Variants in GUCY1A1 observed in about 807,000 individuals in gnomAD.
The protein encoded by GUCY1A1 is guanylate cyclase 1 soluble subunit alpha 1.
A neutral mutation model predicts 64.5 loss-of-function variants in GUCY1A1; 48 were observed. The observed-to-expected ratio is 0.74, with a 90% CI of 0.59 to 0.95. The LOEUF (loss-of-function observed/expected upper bound fraction) is 0.95. GUCY1A1 is among the 40% of genes least tolerant of loss of function. The pLI, the probability that GUCY1A1 is intolerant of heterozygous loss-of-function variation, is 0.00. For synonymous variants in GUCY1A1, 308 were observed against 303.4 expected, an observed-to-expected ratio of 1.02 and a Z score of -0.16; for missense variants, 804 against 825.3, an observed-to-expected ratio of 0.97 and a Z score of 0.32.
At chr4:155,688,200 C>A (rs892768576) in intron 2 of GUCY1A1, among the ~76,000 whole-genome samples, 1 of 151,824 alleles carries the variant, frequency 6.6e-6, no homozygotes, top group Non-Finnish European at 1.5e-5. Context: ...TGCACTCCAG[C>A]CTGGGCGACA....
intron 2 of GUCY1A1, among the ~76,000 whole-genome samples, chr4:155,685,664 C>T (rs1728909170): frequency 7.3e-6 from 1 of 136,940 alleles, no homozygotes; most frequent in Non-Finnish European, 1.5e-5. Context: ...GCCTATACTT[C>T]TCCATTAATG....
chr4:155,697,921 T>C (rs1730619171), intron 3 of GUCY1A1, among the ~76,000 whole-genome samples: 1 of 152,206 alleles, frequency 6.6e-6, no homozygotes, highest in Non-Finnish European at 1.5e-5. Flanking sequence ...TTCATAGTTT[T>C]ATATAGATTT....
At position 155,710,867 on chromosome 4, in the gene GUCY1A1, G is replaced by A. The variant is rs545740746; in HGVS notation, c.702G>A (p.Ser234=). 83 of 1,613,962 alleles carry A rather than the reference G, an allele frequency of 5.1e-5. No individual in the cohort carries two copies. The highest frequency in any genetic ancestry group is 8.8e-5 in the South Asian group (8 of 91,082). The change falls in exon 6 of 10, where the codon TCG becomes TCA. Residue 234 remains serine, a synonymous_variant. Coordinates refer to ENST00000506455, the MANE Select transcript of GUCY1A1 (RefSeq NM_001130682.3). ...TATATGAAACGGAAGTGGAAGTGTCGTTAATGCCTCCCTGCTTCCATAATG... is the reference window on the plus strand; with the variant it reads ...TATATGAAACGGAAGTGGAAGTGTCATTAATGCCTCCCTGCTTCCATAATG... ...HVLYETEVEV[S]LMPPCFHNDC... is the part of the protein sequence containing the mutation.
At chr4:155,707,370 C>T (rs969790588) in intron 4 of GUCY1A1, among the ~76,000 whole-genome samples, 3 of 152,302 alleles carry the variant, frequency 2.0e-5, no homozygotes, top group African/African-American at 7.2e-5. Context: ...ATGTCCTCAG[C>T]AACTTAAAGT....
At chr4:155,725,962 A>G (rs1017448165) in intron 9 of GUCY1A1, among the ~76,000 whole-genome samples, 2 of 152,190 alleles carry the variant, frequency 1.3e-5, no homozygotes, top group African/African-American at 4.8e-5. Flanking sequence ...AAAGTAAGTA[A>G]TAGGAATAAG....
chr4:155,674,923 TTA>T (rs1186337528), intron 2 of GUCY1A1, among the ~76,000 whole-genome samples: 1 of 151,592 alleles, frequency 6.6e-6, no homozygotes, highest in Non-Finnish European at 1.5e-5. Context: ...ACTATGCTTT[TTA>T]TATGACTGGC....
At chr4:155,722,626 C>G (rs1734118196) in intron 9 of GUCY1A1, 1 of 168,300 alleles carries the variant, frequency 5.9e-6, no homozygotes, top group Non-Finnish European at 1.2e-5. Flanking sequence ...CCTTCAGGAC[C>G]TAAGTATGCA....
At chr4:155,723,425 T>C (rs936301075) in intron 9 of GUCY1A1, among the ~76,000 whole-genome samples, 1 of 152,142 alleles carries the variant, frequency 6.6e-6, no homozygotes, top group African/African-American at 2.4e-5. Context: ...TGTTATCACT[T>C]ATCCACCTTT....
intron 2 of GUCY1A1, among the ~76,000 whole-genome samples, chr4:155,680,404 A>C (rs1279692984): frequency 6.6e-6 from 1 of 152,068 alleles, no homozygotes; most frequent in African/African-American, 2.4e-5. Flanking sequence ...TTTACTTCTT[A>C]GTTCTAGTTA....
At position 155,681,295 on chromosome 4, in the gene GUCY1A1, A is replaced by C. The variant is rs1735723397; in HGVS notation, c.-113+13876A>C. On this transcript the variant is annotated intron_variant, in intron 2 of 9. Coordinates refer to ENST00000506455, the MANE Select transcript of GUCY1A1 (RefSeq NM_001130682.3). Reference sequence around the variant, plus strand: ...CAGAAGTCAAAGACCCTGTACTTTGAGCTAACTTTTGTGCTCTGTATAGTA... The same window carrying C: ...CAGAAGTCAAAGACCCTGTACTTTGCGCTAACTTTTGTGCTCTGTATAGTA... 2.0e-5 allele frequency among the ~76,000 whole-genome samples: 3 copies of C among 152,162 alleles called. No homozygotes were observed. The East Asian group carries it at 5.8e-4, about 29-fold the overall frequency.
intron 9 of GUCY1A1, among the ~76,000 whole-genome samples, chr4:155,724,917 C>A (rs914600609): frequency 6.6e-6 from 1 of 151,968 alleles, no homozygotes; most frequent in Non-Finnish European, 1.5e-5. Flanking sequence ...TGATGAAATC[C>A]ACTTCCCACC....
chr4:155,720,708 A>T (rs1733861464), intron 8 of GUCY1A1, among the ~76,000 whole-genome samples: 1 of 152,196 alleles, frequency 6.6e-6, no homozygotes, highest in Non-Finnish European at 1.5e-5. Flanking sequence ...GAAATTAGTT[A>T]TTAAAACTAG....
At chr4:155,683,863 TC>T (rs2126633434) in intron 2 of GUCY1A1, among the ~76,000 whole-genome samples, 1 of 152,298 alleles carries the variant, frequency 6.6e-6, no homozygotes, top group East Asian at 1.9e-4. Flanking sequence ...CTCAAAGTAT[TC>T]CCTGCAGTGG....
At chr4:155,727,560 C>CT (rs1308520473) in intron 9 of GUCY1A1, among the ~76,000 whole-genome samples, 2 of 151,586 alleles carry the variant, frequency 1.3e-5, no homozygotes, top group Non-Finnish European at 2.9e-5. Flanking sequence ...TGTTGAGTTG[C>CT]TGTAGATAGA....
At chr4:155,681,290 C>CTTTG in intron 2 of GUCY1A1, among the ~76,000 whole-genome samples, 1 of 152,262 alleles carries the variant, frequency 6.6e-6, no homozygotes, top group Middle Eastern at 3.4e-3. Context: ...AGACCCTGTA[C>CTTTG]TTTGAGCTAA....
chr4:155,728,544 A>G (rs536402952), intron 9 of GUCY1A1, among the ~76,000 whole-genome samples: 3 of 152,006 alleles, frequency 2.0e-5, no homozygotes, highest in South Asian at 4.1e-4. Context: ...GTCTTTAGAT[A>G]ATATAACTAA....
In GUCY1A1 at chr4:155,726,610, T is replaced by G. The variant is rs3796580; in HGVS notation, c.1872-3420T>G. 6.1e-4 allele frequency among the ~76,000 whole-genome samples: 92 copies of G among 152,022 alleles called. 2 individuals are homozygous for G. In the East Asian group the frequency reaches 0.011, roughly 18 times the overall value. On this transcript the variant is annotated intron_variant, in intron 9 of 9. Transcript: ENST00000506455. The stretch of plus-strand genomic sequence containing the variant: ...ATATATTTCTGAAATACAGGTAAAT[T>G]TAGGACACAGAATACATACCTATAC...
At chr4:155,672,053 A>T (rs559891415) in intron 2 of GUCY1A1, among the ~76,000 whole-genome samples, 2 of 150,564 alleles carry the variant, frequency 1.3e-5, no homozygotes, top group Non-Finnish European at 1.5e-5. Context: ...CTGTTTAATT[A>T]TGTATCTTTT....
intron 2 of GUCY1A1, among the ~76,000 whole-genome samples, chr4:155,680,922 TACACACAC>T (rs10591570): frequency 1.1e-4 from 16 of 148,308 alleles, no homozygotes; most frequent in African/African-American, 3.5e-4. Context: ...GTCGATTGGA[TACACACAC>T]ACACACACAC....
Sources: gnomAD v4.1 joint callset for allele counts (sites outside exome capture counted in the v4.1 genomes callset) on GRCh38, gnomAD v4.1.1 for gene constraint, MANE v1.5 for transcripts, NCBI Gene and HGNC (gene_info 2026-07-23, HGNC 2026-07-21) for gene names.